The following C5 variants were observed in gnomAD, a reference collection of about 807,000 sequenced individuals.
C5 encodes C3 and PZP-like alpha-2-macroglobulin domain-containing protein 4.
In C5, 140 loss-of-function variants were observed where a neutral mutation model predicts 218.8. The ratio of observed to expected loss-of-function variants is 0.64; its 90% CI spans 0.56 to 0.74. The LOEUF is 0.74. Ranked by LOEUF, C5 falls within the 30% of genes least tolerant of loss-of-function variation. The pLI is 0.00. For missense variants in C5, 1,700 were observed against 1,969.6 expected (o/e 0.86, Z 2.59); for synonymous variants, 614 against 682.3 (o/e 0.90, Z 1.56).
intron 20 of C5, among the ~76,000 whole-genome samples, chr9:121,002,208 A>G (rs1407117042): frequency 1.5e-5 from 1 of 65,276 alleles, no homozygotes; most frequent in South Asian, 7.2e-4. Context: ...GTATATATGT[A>G]TATATACGTA....
chr9:121,026,544 G>C (rs1365512189), intron 8 of C5, among the ~76,000 whole-genome samples: 1 of 152,094 alleles, frequency 6.6e-6, no homozygotes, highest in African/African-American at 2.4e-5. Flanking sequence ...TTGTTGTAGG[G>C]GCCTGCCCTG....
intron 12 of C5, among the ~76,000 whole-genome samples, chr9:121,018,252 C>CAAAAA (rs1189613789): frequency 2.4e-5 from 1 of 42,200 alleles, no homozygotes; most frequent in African/African-American, 9.2e-5. Context: ...GACTCTGTCT[C>CAAAAA]AAAAAAAAAA....
intron 7 of C5, 50 bp downstream of exon 7, chr9:121,030,347 G>T: frequency 1.0e-6 from 1 of 994,180 alleles, no homozygotes; most frequent in Non-Finnish European, 1.5e-6. Context: ...CCAGAGTTGA[G>T]TTAATTTGAA....
chr9:120,997,147 C>G (rs2047123444), intron 21 of C5, among the ~76,000 whole-genome samples: 1 of 151,756 alleles, frequency 6.6e-6, no homozygotes, highest in African/African-American at 2.4e-5. Flanking sequence ...TGCATAATGT[C>G]TGGCACATAG....
chr9:120,971,147 G>T lies in C5; in HGVS notation c.4080+783C>A, dbSNP rs41312873. ...AGATTGCACCACTGCACTCTAGCCT[G>T]GGTGACAGAGCAAGACTCCATCTCA... On this transcript the variant is annotated intron_variant, in intron 31 of 40. Transcript: ENST00000223642. 8.0e-3 allele frequency among the ~76,000 whole-genome samples: 1,187 copies of T among 148,932 alleles called. 12 individuals carry two copies. Among genetic ancestry groups the T allele is most frequent in the African/African-American group, 0.028 (1,117 of 40,270 alleles).
chr9:121,002,374 T>TCTAAGAC (rs1282102479), intron 20 of C5, among the ~76,000 whole-genome samples: 4 of 145,808 alleles, frequency 2.7e-5, no homozygotes, highest in Non-Finnish European at 4.5e-5. Context: ...ATTTTATATG[T>TCTAAGAC]CTAAGACTAG....
chr9:121,044,542 C>T (rs979751703), intron 2 of C5, among the ~76,000 whole-genome samples: 10 of 152,134 alleles, frequency 6.6e-5, no homozygotes, highest in East Asian at 3.9e-4. Context: ...ATTTGTAGCA[C>T]GTAATAAATG....
chr9:121,047,303 T>C (rs962948914), intron 1 of C5, among the ~76,000 whole-genome samples: 2 of 152,238 alleles, frequency 1.3e-5, no homozygotes, highest in Non-Finnish European at 2.9e-5. Flanking sequence ...CAAGTTTATA[T>C]GTTATTCACA....
In C5 at chr9:120,991,128, T is replaced by C. The variant is rs1041920226; in HGVS notation, c.2941+63A>G. On this transcript the variant is annotated intron_variant, in intron 23 of 40. Transcript: ENST00000223642. Reference sequence around the variant, plus strand: ...TGGAGAAACAGAATAATCATGAGGATATTTGATTTTTGTTTGAAGCACCAA... The same window carrying C: ...TGGAGAAACAGAATAATCATGAGGACATTTGATTTTTGTTTGAAGCACCAA... 21 of 943,406 alleles carry C rather than the reference T, an allele frequency of 2.2e-5. No individual in the cohort carries two copies. In the Admixed American group the frequency reaches 3.6e-4, roughly 16 times the overall value. 58.4% of individuals were successfully genotyped at this position (943,406 alleles called of 1,614,324 possible).
At chr9:120,986,689 A>G (rs2047035512) in intron 25 of C5, among the ~76,000 whole-genome samples, 1 of 144,970 alleles carries the variant, frequency 6.9e-6, no homozygotes, top group South Asian at 2.1e-4. Flanking sequence ...GTCTTCATTG[A>G]CACTCACTCC....
chr9:121,045,969 T>C (rs1184074466), intron 2 of C5, among the ~76,000 whole-genome samples: 1 of 152,146 alleles, frequency 6.6e-6, no homozygotes. Context: ...AATGTGAAAA[T>C]GGACATGCAT....
the C5 span, among the ~76,000 whole-genome samples, chr9:121,064,600 T>G: frequency 6.6e-6 from 1 of 152,234 alleles, no homozygotes. Flanking sequence ...AAATAATTTA[T>G]CAACTTTAAT....
intron 1 of C5, 25 bp downstream of exon 1, chr9:121,050,157 A>C: frequency 1.3e-6 from 2 of 1,574,404 alleles, no homozygotes; most frequent in Non-Finnish European, 1.7e-6. Flanking sequence ...TGCATTGAAA[A>C]ATGAAGATAG....
intron 28 of C5, among the ~76,000 whole-genome samples, chr9:120,978,246 T>G (rs1002305091): frequency 5.3e-5 from 8 of 152,170 alleles, no homozygotes; most frequent in Non-Finnish European, 1.2e-4. Flanking sequence ...ACTATTTGTT[T>G]TAAAAAAAGT....
At chr9:120,957,611 A>G (rs1171720881) in intron 38 of C5, among the ~76,000 whole-genome samples, 1 of 152,242 alleles carries the variant, frequency 6.6e-6, no homozygotes, top group East Asian at 1.9e-4. Context: ...ATTTAATAAA[A>G]TAACAGAAGC....
At chr9:121,037,405 C>T (rs2047536478) in intron 4 of C5, among the ~76,000 whole-genome samples, 1 of 150,028 alleles carries the variant, frequency 6.7e-6, no homozygotes, top group Admixed American at 6.7e-5. Context: ...GCTCTGCCTC[C>T]CGGGTTCAAG....
At position 120,991,175 on chromosome 9, in the gene C5, G is replaced by A. The variant is rs772991177; in HGVS notation, c.2941+16C>T. 8.7e-6 allele frequency: 12 copies of A among 1,374,680 alleles called. No individual in the cohort carries two copies. Among genetic ancestry groups the A allele is most frequent in the Non-Finnish European group, 1.1e-5 (11 of 962,112 alleles). 85.2% of individuals were successfully genotyped at this position (1,374,680 alleles called of 1,614,324 possible). On this transcript the variant is annotated intron_variant, in intron 23 of 40. Coordinates refer to ENST00000223642, the MANE Select transcript of C5 (RefSeq NM_001735.3). ...CCAAGTGAAATGAGAAATAAAAATG[G>A]CATTTGTTAATTTACCTTTTACACT...
chr9:121,050,645 C>T (rs1463812498), upstream of C5, among the ~76,000 whole-genome samples: 1 of 152,166 alleles, frequency 6.6e-6, no homozygotes, highest in South Asian at 2.1e-4. Context: ...GATGAAGACC[C>T]ACCTGGACTC....
At chr9:121,002,316 GTATATATATA>G (rs71370614) in intron 20 of C5, among the ~76,000 whole-genome samples, 1 of 87,406 alleles carries the variant, frequency 1.1e-5, no homozygotes, top group African/African-American at 4.5e-5. Flanking sequence ...ATATGTGTGT[GTATATATATA>G]TATATATATA....
Sources: gnomAD v4.1 joint callset for allele counts (sites outside exome capture counted in the v4.1 genomes callset) on GRCh38, gnomAD v4.1.1 for gene constraint, MANE v1.5 for transcripts, NCBI Gene and HGNC (gene_info 2026-07-23, HGNC 2026-07-21) for gene names.